RAPGEF1: variants seen among roughly 807,000 people sequenced by gnomAD.
The protein encoded by RAPGEF1 is Rap guanine nucleotide exchange factor 1, also known as CRK SH3-binding GNRP.
RAPGEF1 carries 33 observed loss-of-function variants against 143.3 expected under a neutral mutation model. The ratio of observed to expected loss-of-function variants is 0.23; its 90% CI spans 0.17 to 0.31. The LOEUF (loss-of-function observed/expected upper bound fraction) is 0.31. Ranked by LOEUF, RAPGEF1 falls within the 10% of genes least tolerant of loss-of-function variation. RAPGEF1 has a pLI of 1.00. For missense variants in RAPGEF1, 1,199 were observed against 1,645.4 expected (o/e 0.73, Z 4.69); for synonymous variants, 629 against 676.5 (o/e 0.93, Z 1.09).
At chr9:131,718,378 A>G (rs1836014135) in intron 1 of RAPGEF1, among the ~76,000 whole-genome samples, 1 of 152,202 alleles carries the variant, frequency 6.6e-6, no homozygotes, top group African/African-American at 2.4e-5. Flanking sequence ...AATCATAAAG[A>G]GGATCCATGT....
At chr9:131,678,956 G>A (rs1832680689) in intron 1 of RAPGEF1, among the ~76,000 whole-genome samples, 1 of 152,178 alleles carries the variant, frequency 6.6e-6, no homozygotes, top group Admixed American at 6.5e-5. Flanking sequence ...ACTGGATATG[G>A]TTTTGAAGGG....
intron 4 of RAPGEF1, among the ~76,000 whole-genome samples, chr9:131,640,887 A>C (rs1284506274): frequency 6.6e-6 from 1 of 152,090 alleles, no homozygotes; most frequent in African/African-American, 2.4e-5. Context: ...AGACCAAGAA[A>C]ACCACCTCCA....
chr9:131,582,237 T>C (rs2132092759), intron 25 of RAPGEF1, among the ~76,000 whole-genome samples: 1 of 152,148 alleles, frequency 6.6e-6, no homozygotes, highest in Admixed American at 6.6e-5. Context: ...TGGAATACTG[T>C]GTGATGCCAT....
At chr9:131,615,056 G>A (rs1220996471) in intron 12 of RAPGEF1, among the ~76,000 whole-genome samples, 1 of 152,202 alleles carries the variant, frequency 6.6e-6, no homozygotes, top group African/African-American at 2.4e-5. Context: ...CAAGAAAGTA[G>A]TGTGCAGTAT....
At position 131,629,271 on chromosome 9, in the gene RAPGEF1, A is replaced by C. The variant is rs764987785; in HGVS notation, c.741-17T>G. 7 of 1,610,728 alleles carry C rather than the reference A, an allele frequency of 4.3e-6. No individual in the cohort carries two copies. In the African/African-American group the frequency reaches 9.4e-5, roughly 22 times the overall value. Reference sequence around the variant, plus strand: ...TCTGCTGGGCTGGAGAATTGGGAAGAACTTGGGGTTACAGAAGGTCAAAGG... The same window carrying C: ...TCTGCTGGGCTGGAGAATTGGGAAGCACTTGGGGTTACAGAAGGTCAAAGG... On this transcript the variant is annotated splice_polypyrimidine_tract_variant and intron_variant, in intron 6 of 26. Transcript: ENST00000683357.
intron 5 of RAPGEF1, among the ~76,000 whole-genome samples, chr9:131,635,673 G>A (rs1252813905): frequency 6.6e-6 from 1 of 152,100 alleles, no homozygotes; most frequent in Non-Finnish European, 1.5e-5. Context: ...TTGGAGGTGG[G>A]AGTGCAGAGA....
At chr9:131,605,701 G>A (rs1464454598) in intron 12 of RAPGEF1, among the ~76,000 whole-genome samples, 3 of 151,934 alleles carry the variant, frequency 2.0e-5, no homozygotes, top group African/African-American at 7.3e-5. Context: ...GCTGCACTAT[G>A]GAAATGCTAA....
Position 131,628,142 on chromosome 9 carries a change from G to T in RAPGEF1, c.1018-46C>A. ...CAAAGCCAAATCACTTCTGAGAAAC[G>T]GTGGCACAGACCAGGGGTGAGGCAA... On this transcript the variant is annotated intron_variant, in intron 8 of 26. Transcript: ENST00000683357. The surrounding 1 kb of genome is among the most constrained non-coding windows in gnomAD (Gnocchi z 5.7). 2.7e-6 allele frequency: 4 copies of T among 1,467,994 alleles called. No individual in the cohort carries two copies. The highest frequency in any genetic ancestry group is 3.6e-6 in the Non-Finnish European group (4 of 1,104,036). 90.9% of individuals were successfully genotyped at this position (1,467,994 alleles called of 1,614,324 possible).
intron 1 of RAPGEF1, among the ~76,000 whole-genome samples, chr9:131,690,854 C>T (rs1289831686): frequency 2.0e-5 from 3 of 152,134 alleles, no homozygotes; most frequent in Non-Finnish European, 2.9e-5. Flanking sequence ...TCTCTCAACA[C>T]GAGGTTATCA....
At chr9:131,614,579 G>A (rs982056777) in intron 12 of RAPGEF1, among the ~76,000 whole-genome samples, 1 of 152,254 alleles carries the variant, frequency 6.6e-6, no homozygotes. Context: ...TGAATGGGCA[G>A]AGTGAAGGAG....
intron 1 of RAPGEF1, among the ~76,000 whole-genome samples, chr9:131,695,390 C>A (rs1834092943): frequency 1.3e-5 from 2 of 152,188 alleles, no homozygotes; most frequent in East Asian, 3.9e-4. Context: ...TGGTAGCTAC[C>A]CATGGATGAG....
intron 1 of RAPGEF1, among the ~76,000 whole-genome samples, chr9:131,720,876 T>G (rs1475993477): frequency 6.6e-6 from 1 of 152,224 alleles, no homozygotes; most frequent in African/African-American, 2.4e-5. Context: ...AAACTTAAAT[T>G]GACAAAAATA....
chr9:131,629,601 G>C (rs1302508609), intron 6 of RAPGEF1, among the ~76,000 whole-genome samples: 7 of 152,066 alleles, frequency 4.6e-5, no homozygotes, highest in Non-Finnish European at 1.5e-5. Context: ...GACCAGCTTG[G>C]CCAAGATGGT....
intron 1 of RAPGEF1, among the ~76,000 whole-genome samples, chr9:131,654,055 T>G (rs1971784746): frequency 6.6e-6 from 1 of 152,228 alleles, no homozygotes; most frequent in African/African-American, 2.4e-5. Flanking sequence ...ATTCCATTCA[T>G]TTGAAATGTC....
At chr9:131,646,060 T>C (rs1969513372) in intron 3 of RAPGEF1, among the ~76,000 whole-genome samples, 1 of 152,154 alleles carries the variant, frequency 6.6e-6, no homozygotes, top group Non-Finnish European at 1.5e-5. Flanking sequence ...GATGGGAACA[T>C]CTGAAAGGGA....
chr9:131,670,480 C>T (rs1013203255), intron 1 of RAPGEF1, among the ~76,000 whole-genome samples: 4 of 152,186 alleles, frequency 2.6e-5, no homozygotes, highest in Admixed American at 2.6e-4. Flanking sequence ...CAACCTTGAT[C>T]ACCAGGGGAG....
At chr9:131,622,248 A>C (rs1311635654) in intron 10 of RAPGEF1, among the ~76,000 whole-genome samples, 1 of 152,178 alleles carries the variant, frequency 6.6e-6, no homozygotes, top group Non-Finnish European at 1.5e-5. Context: ...CTGGGGACTC[A>C]AGCGAGGGCA....
intron 1 of RAPGEF1, among the ~76,000 whole-genome samples, chr9:131,726,483 G>A (rs932254585): frequency 2.6e-5 from 4 of 152,178 alleles, no homozygotes; most frequent in Admixed American, 6.5e-5. Flanking sequence ...AAAATTAGCC[G>A]GACGCGGTGG....
chr9:131,662,240 T>A (rs1564648989), intron 1 of RAPGEF1, among the ~76,000 whole-genome samples: 2 of 152,170 alleles, frequency 1.3e-5, no homozygotes. Context: ...ATGGTAGATC[T>A]CCCCCATCTT....
Sources: allele counts gnomAD v4.1 joint callset (sites outside exome capture counted in the v4.1 genomes callset), GRCh38; gene constraint gnomAD v4.1.1; non-coding constraint Gnocchi (gnomAD v3.1); transcripts MANE v1.5; gene names NCBI Gene and HGNC (gene_info 2026-07-23, HGNC 2026-07-21).